Variants in CIP2A observed in about 807,000 individuals in gnomAD.
CIP2A encodes cellular inhibitor of PP2A.
A neutral mutation model predicts 110.9 loss-of-function variants in CIP2A; 103 were observed. That is an observed-to-expected ratio of 0.93 (90% CI 0.79 to 1.09). The LOEUF is 1.09. Ranked by LOEUF, CIP2A falls within the 50% of genes least tolerant of loss-of-function variation. The pLI is 0.00. For synonymous variants in CIP2A, 381 were observed against 361.6 expected (o/e 1.05, Z -0.61); for missense variants, 1,088 against 1,038.4 (o/e 1.05, Z -0.66).
intron 19 of CIP2A, among the ~76,000 whole-genome samples, chr3:108,553,104 A>G (rs1003543103): frequency 2.7e-5 from 4 of 149,208 alleles, no homozygotes; most frequent in African/African-American, 9.9e-5. Context: ...TAAATGGTCA[A>G]TCATCTCTTT....
intron 16 of CIP2A, among the ~76,000 whole-genome samples, chr3:108,559,289 G>A (rs187162974): frequency 2.6e-5 from 4 of 152,226 alleles, no homozygotes; most frequent in African/African-American, 9.6e-5. Flanking sequence ...AAACAGAAGA[G>A]GGAATACATA....
intron 17 of CIP2A, among the ~76,000 whole-genome samples, chr3:108,555,980 C>T (rs1289478400): frequency 6.6e-6 from 1 of 152,084 alleles, no homozygotes; most frequent in Non-Finnish European, 1.5e-5. Context: ...CACTGCAAAC[C>T]TTGGTGCAGA....
At chr3:108,563,343 A>G in intron 12 of CIP2A, 99 bp from the exon 13 acceptor site, 1 of 730,738 alleles carries the variant, frequency 1.4e-6, no homozygotes, top group Non-Finnish European at 2.4e-6. Context: ...TCTTAATTCT[A>G]GGCAAATTCT....
intron 8 of CIP2A, among the ~76,000 whole-genome samples, chr3:108,570,285 T>C (rs1053151429): frequency 2.4e-4 from 36 of 152,240 alleles, no homozygotes; most frequent in African/African-American, 8.7e-4. Context: ...GTCTGTTTCT[T>C]ACAAATGATA....
Position 108,551,016 on chromosome 3 carries a change from G to C in CIP2A, c.*133C>G. On this transcript the variant is annotated 3_prime_UTR_variant, in exon 21 of 21. Transcript: ENST00000295746. Reference sequence around the variant, plus strand: ...CAAATAAAAAACATGCAACAGATCAGGGTCTTTACTAAATTAGATAATAAC... The same window carrying C: ...CAAATAAAAAACATGCAACAGATCACGGTCTTTACTAAATTAGATAATAAC... The C allele has an allele frequency of 2.5e-6, 1 of 403,602 alleles. No individual in the cohort carries two copies. Among genetic ancestry groups the C allele is most frequent in the Non-Finnish European group, 4.2e-6 (1 of 237,008 alleles). The allele number at this position is 403,602 out of a possible 1,614,324, so 25.0% of individuals were successfully genotyped here. A position where few individuals can be genotyped will look rare whatever the true frequency, so the allele number is the denominator to read the frequency against.
rs2083885308 is a variant in CIP2A at position 108,550,644 on chromosome 3, A to T, written c.*505T>A. The T allele has an allele frequency of 6.6e-6, 1 of 151,784 alleles. No individual in the cohort carries two copies. The highest frequency in any genetic ancestry group is 1.5e-5 in the Non-Finnish European group (1 of 67,826). The allele number at this position is 151,784 out of a possible 1,614,324, so 9.4% of individuals were successfully genotyped here. On this transcript the variant is annotated 3_prime_UTR_variant, in exon 21 of 21. Transcript: ENST00000295746. Reference sequence around the variant, plus strand: ...TATAAAAATTATTTTAAATTCACTAATATTTTCTTTTGTGCTTCTTCAGAG... The same window carrying T: ...TATAAAAATTATTTTAAATTCACTATTATTTTCTTTTGTGCTTCTTCAGAG...
rs145206131 is a variant in CIP2A, at chr3:108,587,488, T to C, written c.102+1786A>G. Among the ~76,000 whole-genome samples, 812 of 152,304 alleles carry C rather than the reference T, an allele frequency of 5.3e-3. 7 individuals are homozygous for C. The highest frequency in any genetic ancestry group is 7.6e-3 in the Non-Finnish European group (518 of 68,020). On this transcript the variant is annotated intron_variant, in intron 1 of 20. Transcript: ENST00000295746. Reference sequence around the variant, plus strand: ...AGGCAATGAAGAAACCCTATGGGGCTAGAAATGTTCTGTATCATGATACAG... The same window carrying C: ...AGGCAATGAAGAAACCCTATGGGGCCAGAAATGTTCTGTATCATGATACAG...
intron 8 of CIP2A, among the ~76,000 whole-genome samples, chr3:108,575,300 GTA>G (rs1358584275): frequency 2.2e-4 from 33 of 150,626 alleles, no homozygotes; most frequent in Middle Eastern, 6.9e-3. Context: ...ACACACACGT[GTA>G]CGTACACACA....
intron 3 of CIP2A, among the ~76,000 whole-genome samples, chr3:108,582,456 ACATGTAGTC>A (rs983559013): frequency 2.0e-5 from 3 of 152,210 alleles, no homozygotes; most frequent in African/African-American, 7.2e-5. Context: ...TTTGAAACAC[ACATGTAGTC>A]CATCAATTAG....
At chr3:108,582,237 A>G in intron 3 of CIP2A, 35 bp from the exon 4 acceptor site, 1 of 891,512 alleles carries the variant, frequency 1.1e-6, no homozygotes, top group Non-Finnish European at 1.7e-6. Flanking sequence ...ATATAAAGAT[A>G]TAAAAACATT....
intron 5 of CIP2A, among the ~76,000 whole-genome samples, chr3:108,580,358 G>A (rs1186877243): frequency 6.7e-6 from 1 of 149,126 alleles, no homozygotes; most frequent in Non-Finnish European, 1.5e-5. Context: ...GAAACTATGA[G>A]CAAATGTTTA....
Position 108,582,165 on chromosome 3 carries a change from T to C in CIP2A, c.395A>G (p.Lys132Arg). The C allele has an allele frequency of 6.7e-7, 1 of 1,498,212 alleles. No homozygotes were observed. The highest frequency in any genetic ancestry group is 1.2e-5 in the South Asian group (1 of 81,000). The allele number at this position is 1,498,212 out of a possible 1,614,324, so 92.8% of individuals were successfully genotyped here. The change falls in exon 4 of 21, where the codon AAA becomes AGA. Residue 132 changes from lysine (K) to arginine (R), a missense_variant. Lys to Arg is a conservative substitution (Grantham distance 26). Transcript: ENST00000295746. ...TATATTGGCACCAGAATAGAAAATT[T>C]TGACATTATATGTTAACTTCTGTAG... The part of the protein sequence containing the change: ...QLLQKLTYNV[K>R]IFYSGANIDE...
At chr3:108,575,581 CAT>C (rs1938575810) in intron 8 of CIP2A, among the ~76,000 whole-genome samples, 5 of 148,782 alleles carry the variant, frequency 3.4e-5, no homozygotes, top group East Asian at 2.0e-4. Context: ...TACTCATATA[CAT>C]GTGTATATAT....
intron 10 of CIP2A, among the ~76,000 whole-genome samples, chr3:108,567,529 T>A (rs189503904): frequency 9.2e-5 from 14 of 151,836 alleles, no homozygotes; most frequent in Admixed American, 2.0e-4. Flanking sequence ...CAACTCAGAA[T>A]TAGTTGGTCT....
At position 108,589,302 on chromosome 3, in the gene CIP2A, TTCGCC is replaced by T; in HGVS notation, c.69_73del (p.Ala24ArgfsTer29). ...CAAGTGCCGCAAAAGCTGAGTGGCG[TTCGCC>T]TCTGACTTCACGGCTTTGTACTGAC... On this transcript the variant is annotated frameshift_variant, in exon 1 of 21. Coordinates refer to ENST00000295746, the MANE Select transcript of CIP2A (RefSeq NM_020890.3). LOFTEE classifies it high-confidence loss of function. The T allele has an allele frequency of 6.2e-7, 1 of 1,614,072 alleles. No homozygotes were observed. The highest frequency in any genetic ancestry group is 8.5e-7 in the Non-Finnish European group (1 of 1,179,954).
At chr3:108,559,231 A>T (rs1310118854) in intron 16 of CIP2A, among the ~76,000 whole-genome samples, 1 of 152,186 alleles carries the variant, frequency 6.6e-6, no homozygotes, top group Non-Finnish European at 1.5e-5. Flanking sequence ...GAATAATTAT[A>T]GGAGGTAAAA....
chr3:108,556,014 A>T (rs926706883), intron 17 of CIP2A, among the ~76,000 whole-genome samples: 1 of 152,278 alleles, frequency 6.6e-6, no homozygotes, highest in Non-Finnish European at 1.5e-5. Flanking sequence ...TGTATTGAGC[A>T]AATGGAACCC....
At chr3:108,581,605 T>C (rs1938882023) in intron 4 of CIP2A, 94 bp from the exon 5 acceptor site, 3 of 723,866 alleles carry the variant, frequency 4.1e-6, no homozygotes, top group Admixed American at 5.5e-5. Flanking sequence ...TAGTTAAGTT[T>C]ATACATTTCA....
At chr3:108,558,880 C>CTA (rs1474330821) in intron 16 of CIP2A, among the ~76,000 whole-genome samples, 1 of 152,092 alleles carries the variant, frequency 6.6e-6, no homozygotes, top group Non-Finnish European at 1.5e-5. Flanking sequence ...GGATTGAGGC[C>CTA]TATATAGTTA....
Sources: allele counts gnomAD v4.1 joint callset (sites outside exome capture counted in the v4.1 genomes callset), GRCh38; gene constraint gnomAD v4.1.1; transcripts MANE v1.5; gene names NCBI Gene and HGNC (gene_info 2026-07-23, HGNC 2026-07-21).